The following NOL4 variants were observed in gnomAD, a reference collection of about 807,000 sequenced individuals.
The protein encoded by NOL4 is nucleolar protein 4, also known as cancer/testis antigen 125.
A neutral mutation model predicts 75.9 loss-of-function variants in NOL4; 17 were observed. That is an observed-to-expected ratio of 0.22 (90% CI 0.15 to 0.34). The LOEUF (loss-of-function observed/expected upper bound fraction) is 0.34. Among genes scored for constraint, NOL4 ranks in the 10% least tolerant of loss-of-function variants. NOL4 has a pLI of 1.00. For synonymous variants in NOL4, 292 were observed against 289.9 expected (o/e 1.01, Z -0.07); for missense variants, 614 against 793.5 (o/e 0.77, Z 2.72).
intron 10 of NOL4, among the ~76,000 whole-genome samples, chr18:33,882,816 A>T (rs561909978): frequency 1.6e-4 from 24 of 151,994 alleles, no homozygotes; most frequent in East Asian, 7.7e-4. Flanking sequence ...CAAATGTCCA[A>T]CAATGATAGA....
chr18:34,035,901 A>G (rs147577415), intron 5 of NOL4, among the ~76,000 whole-genome samples: 2 of 152,134 alleles, frequency 1.3e-5, no homozygotes, highest in South Asian at 2.1e-4. Flanking sequence ...TTCTGGAAAC[A>G]TATATCCTAC....
At chr18:33,889,216 C>G (rs923559039) in intron 9 of NOL4, among the ~76,000 whole-genome samples, 1 of 152,060 alleles carries the variant, frequency 6.6e-6, no homozygotes, top group Non-Finnish European at 1.5e-5. Flanking sequence ...GAAATAGAAA[C>G]TATCATCAGA....
intron 6 of NOL4, among the ~76,000 whole-genome samples, chr18:33,966,316 T>C (rs1211543034): frequency 6.6e-6 from 1 of 152,198 alleles, no homozygotes; most frequent in African/African-American, 2.4e-5. Flanking sequence ...AACAGCCATC[T>C]ATGACAGGCC....
intron 6 of NOL4, among the ~76,000 whole-genome samples, chr18:34,001,298 G>A (rs910930665): frequency 6.6e-6 from 1 of 152,078 alleles, no homozygotes; most frequent in Non-Finnish European, 1.5e-5. Context: ...CAAATAATGC[G>A]AACTACATTT....
intron 9 of NOL4, among the ~76,000 whole-genome samples, chr18:33,932,972 C>T (rs541162490): frequency 7.9e-5 from 12 of 152,166 alleles, no homozygotes; most frequent in East Asian, 1.9e-4. Context: ...TTGCAAAATA[C>T]GTTCTATCCC....
chr18:33,858,259 G>C (rs2062925542), intron 10 of NOL4, among the ~76,000 whole-genome samples: 1 of 151,968 alleles, frequency 6.6e-6, no homozygotes, highest in Non-Finnish European at 1.5e-5. Flanking sequence ...TAAATGAAGT[G>C]ATTTTCCCTG....
intron 2 of NOL4, among the ~76,000 whole-genome samples, chr18:34,116,701 T>A (rs1002273178): frequency 6.6e-6 from 1 of 152,190 alleles, no homozygotes; most frequent in South Asian, 2.1e-4. Context: ...ATCAAAAAAA[T>A]TTAATAACAA....
At chr18:34,030,438 C>T (rs2075580136) in intron 5 of NOL4, among the ~76,000 whole-genome samples, 1 of 152,010 alleles carries the variant, frequency 6.6e-6, no homozygotes, top group Admixed American at 6.6e-5. Flanking sequence ...AAGTAAATTC[C>T]TCAATAGAAG....
chr18:33,981,129 A>G (rs2145980324), intron 6 of NOL4, among the ~76,000 whole-genome samples: 1 of 152,152 alleles, frequency 6.6e-6, no homozygotes, highest in Non-Finnish European at 1.5e-5. Flanking sequence ...GAGCATGAGG[A>G]TATGTCAATA....
intron 5 of NOL4, among the ~76,000 whole-genome samples, chr18:34,032,247 C>A (rs769321701): frequency 2.0e-5 from 3 of 152,176 alleles, no homozygotes; most frequent in Non-Finnish European, 4.4e-5. Flanking sequence ...CGGAAGGTAG[C>A]ACCACCCTAT....
chr18:34,055,499 C>T (rs768710425), intron 5 of NOL4, among the ~76,000 whole-genome samples: 2 of 152,094 alleles, frequency 1.3e-5, no homozygotes, highest in African/African-American at 2.4e-5. Context: ...CTATAATGTA[C>T]ATGATGAGTC....
chr18:34,049,936 G>T (rs962594301), intron 5 of NOL4, among the ~76,000 whole-genome samples: 18 of 151,950 alleles, frequency 1.2e-4, no homozygotes, highest in Admixed American at 9.2e-4. Flanking sequence ...ACCCTAATGC[G>T]TTTGAAAAGC....
At chr18:34,219,406 C>G (rs1346774093) in intron 1 of NOL4, among the ~76,000 whole-genome samples, 1 of 152,126 alleles carries the variant, frequency 6.6e-6, no homozygotes, top group African/African-American at 2.4e-5. Flanking sequence ...TTAAAAAGAG[C>G]GTTTAATAAA....
At chr18:34,084,189 TTGG>T (rs2078139534) in intron 5 of NOL4, among the ~76,000 whole-genome samples, 1 of 152,140 alleles carries the variant, frequency 6.6e-6, no homozygotes, top group Non-Finnish European at 1.5e-5. Flanking sequence ...TGGCTGCCCC[TTGG>T]TGGAGCGGGT....
chr18:33,964,350 C>A (rs1409983385), intron 6 of NOL4, among the ~76,000 whole-genome samples: 1 of 151,672 alleles, frequency 6.6e-6, no homozygotes, highest in African/African-American at 2.4e-5. Flanking sequence ...ATGTCAGTAT[C>A]ATTATAAGTG....
chr18:34,147,510 G>T (rs1056269012), intron 1 of NOL4, among the ~76,000 whole-genome samples: 71 of 152,152 alleles, frequency 4.7e-4, no homozygotes, highest in African/African-American at 1.6e-3. Flanking sequence ...TTATGTGATG[G>T]ATTACGTTTA....
At chr18:34,098,433 C>A (rs539768605) in intron 4 of NOL4, among the ~76,000 whole-genome samples, 1 of 152,128 alleles carries the variant, frequency 6.6e-6, no homozygotes, top group Non-Finnish European at 1.5e-5. Context: ...GAACCGGGTA[C>A]TTAAGTGAGG....
At chr18:33,918,961 T>C in intron 9 of NOL4, among the ~76,000 whole-genome samples, 1 of 152,164 alleles carries the variant, frequency 6.6e-6, no homozygotes, top group South Asian at 2.1e-4. Flanking sequence ...GATAGATTAG[T>C]ATCTATTAGT....
intron 1 of NOL4, among the ~76,000 whole-genome samples, chr18:34,191,058 A>T (rs1163365028): frequency 6.6e-6 from 1 of 152,104 alleles, no homozygotes; most frequent in Non-Finnish European, 1.5e-5. Context: ...GAAATTGTAG[A>T]ACAGAAAGTA....
Sources: gnomAD v4.1 joint callset for allele counts (sites outside exome capture counted in the v4.1 genomes callset) on GRCh38, gnomAD v4.1.1 for gene constraint, MANE v1.5 for transcripts, NCBI Gene and HGNC (gene_info 2026-07-23, HGNC 2026-07-21) for gene names.